Variants in TAF15 observed in about 807,000 individuals in gnomAD.
TAF15 encodes TATA-box binding protein associated factor 15.
A neutral mutation model predicts 102.5 loss-of-function variants in TAF15; 37 were observed. The observed-to-expected ratio is 0.36, with a 90% CI of 0.28 to 0.47. The LOEUF is 0.47. Ranked by LOEUF, TAF15 falls within the 20% of genes least tolerant of loss-of-function variation. TAF15 has a pLI of 0.99. For synonymous variants in TAF15, 273 were observed against 259.2 expected (o/e 1.05, Z -0.51); for missense variants, 652 against 760.7 (o/e 0.86, Z 1.68).
intron 7 of TAF15, among the ~76,000 whole-genome samples, chr17:35,829,535 G>A (rs2087372927): frequency 6.8e-6 from 1 of 147,074 alleles, no homozygotes; most frequent in Non-Finnish European, 1.5e-5. Context: ...GGGAGGCTGA[G>A]GCAGGAGAAT....
At chr17:35,814,197 G>A (rs539775928) in intron 1 of TAF15, among the ~76,000 whole-genome samples, 3 of 151,112 alleles carry the variant, frequency 2.0e-5, no homozygotes, top group African/African-American at 7.3e-5. Flanking sequence ...ATGGAGTCTC[G>A]CTCTGTCGCC....
intron 1 of TAF15, among the ~76,000 whole-genome samples, chr17:35,812,216 AT>A (rs2087132532): frequency 6.6e-6 from 1 of 152,210 alleles, no homozygotes; most frequent in Non-Finnish European, 1.5e-5. Context: ...ACAAGGTAAC[AT>A]GGACGTTTAG....
At chr17:35,818,571 G>A (rs1327240167) in intron 2 of TAF15, 1 of 152,158 alleles carries the variant, frequency 6.6e-6, no homozygotes, top group East Asian at 1.9e-4. Flanking sequence ...ACTTTGGGAG[G>A]CCAAGATGGG....
chr17:35,843,173 G>T (rs1442864443), intron 12 of TAF15, among the ~76,000 whole-genome samples: 1 of 151,416 alleles, frequency 6.6e-6, no homozygotes, highest in Admixed American at 6.6e-5. Context: ...GCCCAGGCTG[G>T]AGTACAATGG....
intron 7 of TAF15, among the ~76,000 whole-genome samples, chr17:35,827,876 T>G (rs1035802479): frequency 2.6e-5 from 4 of 152,138 alleles, no homozygotes; most frequent in Non-Finnish European, 5.9e-5. Flanking sequence ...CTGTGAAGAT[T>G]ATAGGGACTA....
chr17:35,809,955 C>T lies in TAF15; in HGVS notation c.7+379C>T, dbSNP rs1043290727. 2.3e-5 allele frequency: 9 copies of T among 384,516 alleles called. No individual in the cohort carries two copies. In the Admixed American group the frequency reaches 3.7e-4, roughly 16 times the overall value. 23.8% of individuals were successfully genotyped at this position (384,516 alleles called of 1,614,324 possible). A position where few individuals can be genotyped will look rare whatever the true frequency, so the allele number is the denominator to read the frequency against. ...AAGCGGTGCTTCTGGTTCTCCGCTC[C>T]GCCTCGGATCTTTCAGCGAGGCCTC... is the stretch of plus-strand genomic sequence containing the variant. On this transcript the variant is annotated intron_variant, in intron 1 of 15. Coordinates refer to ENST00000605844, the MANE Select transcript of TAF15 (RefSeq NM_139215.3).
chr17:35,810,914 C>T (rs1367186833), intron 1 of TAF15: 3 of 152,180 alleles, frequency 2.0e-5, no homozygotes, highest in Non-Finnish European at 2.9e-5. Context: ...ATAAACTGCA[C>T]TTCTTTCAGT....
At chr17:35,835,133 A>G (rs890009633) in intron 9 of TAF15, among the ~76,000 whole-genome samples, 4 of 152,188 alleles carry the variant, frequency 2.6e-5, no homozygotes, top group African/African-American at 7.2e-5. Flanking sequence ...GTGCTTTCCC[A>G]TATTCTTTCT....
At position 35,820,541 on chromosome 17, in the gene TAF15, TTA is replaced by T; in HGVS notation, c.290+105_290+106del. ...TCCTAGCTTTAAACTTTTTTTTTTT[TTA>T]AAGGAAATTTTAATGGAGTGTGGAT... On this transcript the variant is annotated intron_variant, in intron 5 of 15. Coordinates refer to ENST00000605844, the MANE Select transcript of TAF15 (RefSeq NM_139215.3). 4.8e-6 allele frequency: 5 copies of T among 1,037,552 alleles called. No individual in the cohort carries two copies. In the African/African-American group the frequency reaches 4.9e-5, roughly 10 times the overall value. The allele number at this position is 1,037,552 out of a possible 1,614,324, so 64.3% of individuals were successfully genotyped here.
At chr17:35,826,343 T>C (rs976818501) in intron 7 of TAF15, among the ~76,000 whole-genome samples, 2 of 152,102 alleles carry the variant, frequency 1.3e-5, no homozygotes, top group African/African-American at 4.8e-5. Flanking sequence ...TAGAAATCCG[T>C]ATGGATGCCG....
chr17:35,828,940 C>A (rs1430853619), intron 7 of TAF15, among the ~76,000 whole-genome samples: 1 of 152,110 alleles, frequency 6.6e-6, no homozygotes, highest in Admixed American at 6.6e-5. Context: ...GACAGTGCAG[C>A]TCTAGAATGA....
At chr17:35,814,764 A>G (rs1026205708) in intron 1 of TAF15, among the ~76,000 whole-genome samples, 1 of 151,678 alleles carries the variant, frequency 6.6e-6, no homozygotes, top group Admixed American at 6.6e-5. Context: ...GAGGCGGGAG[A>G]GTTGTTTGAA....
chr17:35,846,885 C>T, intron 15 of TAF15, 21 bp from the exon 16 acceptor site: 1 of 1,614,024 alleles, frequency 6.2e-7, no homozygotes, highest in South Asian at 1.1e-5. Context: ...TTTAGTCCGG[C>T]TCTTTATTTT....
At chr17:35,842,687 G>T (rs1185465194) in intron 12 of TAF15, among the ~76,000 whole-genome samples, 1 of 151,916 alleles carries the variant, frequency 6.6e-6, no homozygotes, top group East Asian at 1.9e-4. Flanking sequence ...AAGCTTTATT[G>T]TGATTTGCTG....
chr17:35,843,119 T>TTTTA (rs1180959131), intron 12 of TAF15, among the ~76,000 whole-genome samples: 1 of 151,966 alleles, frequency 6.6e-6, no homozygotes, highest in South Asian at 2.1e-4. Flanking sequence ...TTTTTTTATT[T>TTTTA]TTTATTTATT....
intron 7 of TAF15, among the ~76,000 whole-genome samples, chr17:35,825,926 C>G (rs2087319704): frequency 2.0e-5 from 3 of 151,814 alleles, no homozygotes; most frequent in African/African-American, 7.3e-5. Context: ...TGCACTCCAG[C>G]CTGGGCGACA....
chr17:35,831,489 A>G (rs1182392119), intron 7 of TAF15, among the ~76,000 whole-genome samples: 2 of 151,730 alleles, frequency 1.3e-5, no homozygotes, highest in African/African-American at 4.8e-5. Flanking sequence ...CATTTGTTTT[A>G]TATCCCTTTA....
chr17:35,835,372 C>G (rs1055843929), intron 9 of TAF15, among the ~76,000 whole-genome samples: 1 of 152,154 alleles, frequency 6.6e-6, no homozygotes, highest in Admixed American at 6.6e-5. Flanking sequence ...GGGTAGAGGT[C>G]ACTAATTTTC....
At chr17:35,834,838 C>T (rs1353701454) in intron 9 of TAF15, among the ~76,000 whole-genome samples, 4 of 150,846 alleles carry the variant, frequency 2.7e-5, no homozygotes, top group East Asian at 2.0e-4. Flanking sequence ...CCCCACCTGC[C>T]GGGTTCAAGC....
Sources: gnomAD v4.1 joint callset for allele counts (sites outside exome capture counted in the v4.1 genomes callset) on GRCh38, gnomAD v4.1.1 for gene constraint, MANE v1.5 for transcripts, NCBI Gene and HGNC (gene_info 2026-07-23, HGNC 2026-07-21) for gene names.